Variants in GTF2F1 observed in about 807,000 individuals in gnomAD.
GTF2F1 encodes the protein general transcription factor IIF subunit 1.
A neutral mutation model predicts 63.5 loss-of-function variants in GTF2F1; 39 were observed. That is an observed-to-expected ratio of 0.61 (90% confidence interval 0.48 to 0.80). The LOEUF is 0.80. Ranked by LOEUF, GTF2F1 falls within the 30% of genes least tolerant of loss-of-function variation. The pLI, the probability that GTF2F1 is intolerant of heterozygous loss-of-function variation, is 0.00. For synonymous variants in GTF2F1, 287 were observed against 285.3 expected, an observed-to-expected ratio of 1.01 and a Z score of -0.06; for missense variants, 657 against 718.3, an observed-to-expected ratio of 0.91 and a Z score of 0.97.
chr19:6,384,508 C>CAAAAGAAAAAAAAAAAAAAAAA (rs2091967011), intron 5 of GTF2F1, among the ~76,000 whole-genome samples: 1 of 135,492 alleles, frequency 7.4e-6, no homozygotes. Flanking sequence ...AATCTGTCTC[C>CAAAAGAAAAAAAAAAAAAAAAA]AAAAAAAAAA....
At chr19:6,386,196 C>A (rs2091973231) in intron 5 of GTF2F1, among the ~76,000 whole-genome samples, 1 of 151,920 alleles carries the variant, frequency 6.6e-6, no homozygotes, top group Non-Finnish European at 1.5e-5. Context: ...GACCACCTGG[C>A]CAACATGGTG....
Position 6,384,720 on chromosome 19 carries a change from A to G in GTF2F1, c.498-1225T>C, listed in dbSNP as rs181334905. 2.6e-5 allele frequency among the ~76,000 whole-genome samples: 4 copies of G among 152,194 alleles called. No homozygotes were observed. The East Asian group carries it at 7.7e-4, about 29-fold the overall frequency. ...GAGGCCGAGGCTGGAGGCTCGCTTG[A>G]ACCCAGGAGTTTGAGACCAGCCTGA... On this transcript the variant is annotated intron_variant, in intron 5 of 12. Coordinates refer to ENST00000394456, the MANE Select transcript of GTF2F1 (RefSeq NM_002096.3).
chr19:6,382,049 T>C (rs533595230), intron 6 of GTF2F1, among the ~76,000 whole-genome samples, 199 bp from the exon 7 acceptor site: 1 of 151,742 alleles, frequency 6.6e-6, no homozygotes, highest in African/African-American at 2.4e-5. Flanking sequence ...ACCCACCTTC[T>C]CTAGCGCTCA....
intron 3 of GTF2F1, among the ~76,000 whole-genome samples, chr19:6,390,087 A>T (rs2056327877): frequency 1.3e-5 from 2 of 152,118 alleles, no homozygotes; most frequent in African/African-American, 4.8e-5. Flanking sequence ...TGTGGCTCAC[A>T]CCTGTAATCC....
chr19:6,392,786 G>A, intron 2 of GTF2F1, 71 bp downstream of exon 2: 1 of 1,461,480 alleles, frequency 6.8e-7, no homozygotes, highest in South Asian at 1.1e-5. Context: ...AGAAATGGCT[G>A]GCTAAGAAGA....
chr19:6,387,607 CCCCCCCGTGTCCCCCCG>C (rs2091978738), intron 4 of GTF2F1, 48 bp from the exon 5 acceptor site: 1 of 1,475,140 alleles, frequency 6.8e-7, no homozygotes, highest in Non-Finnish European at 9.4e-7. Context: ...CCAGCCCCAG[CCCCCCCGTGTCCCCCCG>C]GGGCCTGCCT....
Position 6,381,711 on chromosome 19 carries a change from C to T in GTF2F1, c.822G>A (p.Met274Ile). The change falls in exon 7 of 13, where the codon ATG becomes ATA. Residue 274 changes from methionine to isoleucine, a missense_variant. Physicochemically the swap from Met to Ile is conservative, Grantham distance 10 (BLOSUM62 1). Transcript: ENST00000394456. This position sits in a 1 kb window ranked among gnomAD's most constrained non-coding sequence, Gnocchi z 4.1. ...GTCGGCCTCACCTGGAGCCGTCTGACATGTAGTCCACCTCTTGGCCCTCGA... is the reference window on the plus strand; with the variant it reads ...GTCGGCCTCACCTGGAGCCGTCTGATATGTAGTCCACCTCTTGGCCCTCGA... ...GDFEGQEVDY[M>I]SDGSSSSQEE... is the part of the protein sequence containing the mutation. 2 of 1,614,208 alleles carry T rather than the reference C, an allele frequency of 1.2e-6. No individual in the cohort carries two copies. Among genetic ancestry groups the T allele is most frequent in the Admixed American group, 3.3e-5 (2 of 60,030 alleles).
Position 6,383,179 on chromosome 19 carries a change from G to T in GTF2F1, c.682+132C>A. Reference sequence around the variant, plus strand: ...AGCCTCTCAAAGTGCTGGGATGACAGGCGTGAGCCACTGTGCCCGGCCCCA... The same window carrying T: ...AGCCTCTCAAAGTGCTGGGATGACATGCGTGAGCCACTGTGCCCGGCCCCA... On this transcript the variant is annotated intron_variant, in intron 6 of 12. Coordinates refer to ENST00000394456, the MANE Select transcript of GTF2F1 (RefSeq NM_002096.3). This position sits in a 1 kb window ranked among gnomAD's most constrained non-coding sequence, Gnocchi z 4.5. The T allele has an allele frequency of 1.1e-6, 1 of 921,504 alleles. No individual in the cohort carries two copies. Among genetic ancestry groups the T allele is most frequent in the Non-Finnish European group, 1.7e-6 (1 of 598,050 alleles). The allele number at this position is 921,504 out of a possible 1,614,324, so 57.1% of individuals were successfully genotyped here. A position where few individuals can be genotyped will look rare whatever the true frequency, so the allele number is the denominator to read the frequency against.
rs1451044945 is a variant in GTF2F1, at chr19:6,381,133, G to C, written c.1081C>G (p.Leu361Val). The C allele has an allele frequency of 5.0e-6, 8 of 1,612,000 alleles. No homozygotes were observed. The highest frequency in any genetic ancestry group is 6.8e-6 in the Non-Finnish European group (8 of 1,179,286). ...SDIDSEASSA[L>V]FMAKKKTPPK... ...GGGCTGGGCCTTACCGCCATGAAGA[G>C]GGCTGAGGAGGCCTCGCTGTCAATG... The change falls in exon 10 of 13, where the codon CTC (leucine) becomes GTC (valine). Residue 361 changes from leucine to valine, a missense_variant. Coordinates refer to ENST00000394456, the MANE Select transcript of GTF2F1 (RefSeq NM_002096.3). The surrounding 1 kb of genome is among the most constrained non-coding windows in gnomAD (Gnocchi z 4.1).
rs369704738 is a variant in GTF2F1 at position 6,380,311 on chromosome 19, G to A, written c.1524C>T (p.Asn508=). The A allele has an allele frequency of 1.8e-4, 283 of 1,614,122 alleles. No homozygotes were observed. The highest frequency in any genetic ancestry group is 1.1e-3 in the South Asian group (102 of 91,080). The change falls in exon 13 of 13, where the codon AAC becomes AAT. Residue 508 remains asparagine (N), a synonymous_variant. Coordinates refer to ENST00000394456, the MANE Select transcript of GTF2F1 (RefSeq NM_002096.3). This position sits in a 1 kb window ranked among gnomAD's most constrained non-coding sequence, Gnocchi z 5.3. ...KRLNPERKMI[N]DKMHFSLKE ...CCTTGAGGGAGAAGTGCATTTTGTCGTTGATCATCTTGCGCTCGGGGTTGA... is the reference window on the plus strand; with the variant it reads ...CCTTGAGGGAGAAGTGCATTTTGTCATTGATCATCTTGCGCTCGGGGTTGA...
chr19:6,389,695 C>A (rs539228700), intron 3 of GTF2F1, 58 bp from the exon 4 acceptor site: 357 of 1,512,674 alleles, frequency 2.4e-4, no homozygotes, highest in Non-Finnish European at 3.1e-4. Context: ...CGCAGTGCCC[C>A]CCTCCAGGAA....
rs1390295678 is a variant in GTF2F1 at position 6,380,418 on chromosome 19, G to C, written c.1417C>G (p.Leu473Val). The C allele has an allele frequency of 4.3e-6, 7 of 1,613,992 alleles. No homozygotes were observed. Among genetic ancestry groups the C allele is most frequent in the East Asian group, 2.2e-5 (1 of 44,894 alleles). The change falls in exon 13 of 13, where the codon CTG (leucine) becomes GTG (valine). Residue 473 changes from leucine (L) to valine (V), a missense_variant. Physicochemically the swap from Leu to Val is conservative, Grantham distance 32. Coordinates refer to ENST00000394456, the MANE Select transcript of GTF2F1 (RefSeq NM_002096.3). The surrounding 1 kb of genome is among the most constrained non-coding windows in gnomAD (Gnocchi z 5.3). ...LTRKPMTTKD[L>V]LKKFQTKKTG... Reference sequence around the variant, plus strand: ...TTCTTGGTCTGGAACTTTTTCAGCAGGTCCTTAGTGGTCATGGGCTTCCGT... The same window carrying C: ...TTCTTGGTCTGGAACTTTTTCAGCACGTCCTTAGTGGTCATGGGCTTCCGT...
rs11359697 is a variant in GTF2F1 at position 6,379,741 on chromosome 19, CTTT to C, written c.*537_*539del. The C allele has an allele frequency of 2.6e-4, 37 of 142,222 alleles. No individual in the cohort carries two copies. The highest frequency in any genetic ancestry group is 1.3e-3 in the South Asian group (6 of 4,606). 8.8% of individuals were successfully genotyped at this position (142,222 alleles called of 1,614,324 possible). A position where few individuals can be genotyped will look rare whatever the true frequency, so the allele number is the denominator to read the frequency against. The stretch of plus-strand genomic sequence containing the variant: ...AGGCTCCCGCCACCATGCCTGGCTA[CTTT>C]TTTTTTTTTTTTGTGCCAGGATTTC... On this transcript the variant is annotated 3_prime_UTR_variant, in exon 13 of 13. Coordinates refer to ENST00000394456, the MANE Select transcript of GTF2F1 (RefSeq NM_002096.3).
chr19:6,389,434 C>G lies in GTF2F1; in HGVS notation c.326+10G>C. The G allele has an allele frequency of 6.2e-7, 1 of 1,611,932 alleles. No individual in the cohort carries two copies. Among genetic ancestry groups the G allele is most frequent in the Non-Finnish European group, 8.5e-7 (1 of 1,178,252 alleles). ...CACTAAGCCGGCACCGCCACCGCCC[C>G]ACCACTTACTTCCTGCCTGATTTGC... is the stretch of plus-strand genomic sequence containing the variant. On this transcript the variant is annotated intron_variant, in intron 4 of 12. Transcript: ENST00000394456.
At chr19:6,384,478 A>C (rs1298799620) in intron 5 of GTF2F1, among the ~76,000 whole-genome samples, 2 of 151,492 alleles carry the variant, frequency 1.3e-5, no homozygotes, top group Admixed American at 1.3e-4. Context: ...ACAGCACTCC[A>C]GCCTCGGTGA....
intron 4 of GTF2F1, among the ~76,000 whole-genome samples, chr19:6,387,822 G>A (rs141688998): frequency 6.6e-6 from 1 of 150,746 alleles, no homozygotes; most frequent in Non-Finnish European, 1.5e-5. Flanking sequence ...TATCTCAGGA[G>A]AGCCCAACCC....
chr19:6,388,742 G>A (rs1321764975), intron 4 of GTF2F1, among the ~76,000 whole-genome samples: 3 of 152,170 alleles, frequency 2.0e-5, no homozygotes, highest in South Asian at 2.1e-4. Flanking sequence ...GACCCCAGGA[G>A]TTCAAGACCA....
chr19:6,381,913 G>T lies in GTF2F1; in HGVS notation c.683-63C>A. 1 of 1,406,890 alleles carries T rather than the reference G, an allele frequency of 7.1e-7. No homozygotes were observed. Among genetic ancestry groups the T allele is most frequent in the Non-Finnish European group, 9.9e-7 (1 of 1,013,302 alleles). The allele number at this position is 1,406,890 out of a possible 1,614,324, so 87.2% of individuals were successfully genotyped here. On this transcript the variant is annotated intron_variant, in intron 6 of 12. Coordinates refer to ENST00000394456, the MANE Select transcript of GTF2F1 (RefSeq NM_002096.3). This position sits in a 1 kb window ranked among gnomAD's most constrained non-coding sequence, Gnocchi z 4.1. Reference sequence around the variant, plus strand: ...AGGAGGAAGGCAGTGGGTATTTATTGTGTTTTTCACATTTTGTGCAGTTTT... The same window carrying T: ...AGGAGGAAGGCAGTGGGTATTTATTTTGTTTTTCACATTTTGTGCAGTTTT...
rs754690722 is a variant in GTF2F1 at position 6,381,179 on chromosome 19, C to T, written c.1035G>A (p.Ser345=). 32 of 1,610,016 alleles carry T rather than the reference C, an allele frequency of 2.0e-5. No individual in the cohort carries two copies. Among genetic ancestry groups the T allele is most frequent in the Middle Eastern group, 3.3e-4 (2 of 5,992 alleles). Residue 345 remains serine (S), a synonymous_variant, in exon 10 of 13, where the codon TCG becomes TCA. Coordinates refer to ENST00000394456, the MANE Select transcript of GTF2F1 (RefSeq NM_002096.3). This position sits in a 1 kb window ranked among gnomAD's most constrained non-coding sequence, Gnocchi z 4.1. The part of the protein sequence containing the change: ...KKRRKDSSEE[S]DSSEESDIDS... ...CAATGTCGCTCTCCTCTGAGCTGTC[C>T]GACTCCTCGCTGCTGTCTGCGGGGC...
Sources: gnomAD v4.1 joint callset for allele counts (sites outside exome capture counted in the v4.1 genomes callset) on GRCh38, gnomAD v4.1.1 for gene constraint, Gnocchi (gnomAD v3.1) non-coding constraint, MANE v1.5 for transcripts, NCBI Gene and HGNC (gene_info 2026-07-23, HGNC 2026-07-21) for gene names.